The following DOCK7 variants were observed in gnomAD, a reference collection of about 807,000 sequenced individuals.
DOCK7 encodes the protein dedicator of cytokinesis protein 7.
Under a neutral mutation model 271.0 loss-of-function variants are expected in DOCK7, and 138 were observed. That is an observed-to-expected ratio of 0.51 (90% CI 0.44 to 0.59). The LOEUF (loss-of-function observed/expected upper bound fraction) is 0.59. Ranked by LOEUF, DOCK7 falls within the 20% of genes least tolerant of loss-of-function variation. The pLI, the probability that DOCK7 is intolerant of heterozygous loss-of-function variation, is 0.00. For synonymous variants in DOCK7, 823 were observed against 876.1 expected, an observed-to-expected ratio of 0.94 and a Z score of 1.07; for missense variants, 2,066 against 2,592.4, an observed-to-expected ratio of 0.80 and a Z score of 4.41.
chr1:62,504,777 A>G lies in DOCK7; in HGVS notation c.4617T>C (p.Pro1539=), dbSNP rs372522505. 2.7e-5 allele frequency: 44 copies of G among 1,609,632 alleles called. No individual in the cohort carries two copies. Among genetic ancestry groups the G allele is most frequent in the African/African-American group, 1.6e-4 (12 of 74,680 alleles). ...ATQRALVSKF[P]ELLFEEETEQ... Reference sequence around the variant, plus strand: ...CTGTCTCTTCTTCAAATAAGAGTTCAGGAAACTGTAAAACAACAAAACAAA... The same window carrying G: ...CTGTCTCTTCTTCAAATAAGAGTTCGGGAAACTGTAAAACAACAAAACAAA... Residue 1539 remains proline (P), a synonymous_variant, in exon 37 of 50, where the codon CCT becomes CCC. Transcript: ENST00000635253.
intron 35 of DOCK7, among the ~76,000 whole-genome samples, chr1:62,507,290 A>C (rs1015269350): frequency 7.9e-5 from 12 of 152,152 alleles, no homozygotes; most frequent in African/African-American, 2.7e-4. Context: ...AAAACATCTG[A>C]AAGATCTTGC....
At chr1:62,479,291 A>G (rs1646050691) in intron 43 of DOCK7, among the ~76,000 whole-genome samples, 1 of 152,202 alleles carries the variant, frequency 6.6e-6, no homozygotes, top group Admixed American at 6.5e-5. Context: ...AAAAAGGTAT[A>G]GTGATGAAAA....
intron 1 of DOCK7, 74 bp downstream of exon 1, chr1:62,688,153 T>G (rs2149794563): frequency 8.1e-7 from 1 of 1,241,826 alleles, no homozygotes; most frequent in Non-Finnish European, 1.0e-6. Context: ...ACCCGCCTCC[T>G]AGGCCAGGCC....
At chr1:62,628,584 C>G (rs1254116478) in intron 11 of DOCK7, 1 of 152,060 alleles carries the variant, frequency 6.6e-6, no homozygotes, top group Non-Finnish European at 1.5e-5. Context: ...ACAGCTGAAA[C>G]TATAAAACTC....
At chr1:62,561,561 A>T (rs1303639360) in intron 19 of DOCK7, 56 bp downstream of exon 19, 1 of 1,104,018 alleles carries the variant, frequency 9.1e-7, no homozygotes, top group Admixed American at 2.8e-5. Context: ...CAAGTATTAG[A>T]TATTACGTTC....
chr1:62,679,708 T>C (rs1052163109), intron 1 of DOCK7, among the ~76,000 whole-genome samples: 1 of 152,166 alleles, frequency 6.6e-6, no homozygotes, highest in Non-Finnish European at 1.5e-5. Context: ...ACAACCACTT[T>C]AGAAAACAGT....
chr1:62,572,035 T>C (rs548197162), intron 18 of DOCK7, among the ~76,000 whole-genome samples: 2 of 152,230 alleles, frequency 1.3e-5, no homozygotes, highest in South Asian at 2.1e-4. Flanking sequence ...AACCTGCACA[T>C]CCTGCACATG....
intron 1 of DOCK7, among the ~76,000 whole-genome samples, chr1:62,676,196 C>T (rs942952295): frequency 6.6e-6 from 1 of 152,104 alleles, no homozygotes; most frequent in Non-Finnish European, 1.5e-5. Flanking sequence ...TATTAGTCAG[C>T]CATAAAAGGA....
chr1:62,475,646 G>A (rs781609115), intron 46 of DOCK7, 61 bp downstream of exon 46: 1 of 1,448,396 alleles, frequency 6.9e-7, no homozygotes, highest in Non-Finnish European at 9.7e-7. Context: ...CATCTGAGTT[G>A]TTGTTACATG....
At chr1:62,645,544 C>T (rs960645539) in intron 7 of DOCK7, among the ~76,000 whole-genome samples, 1 of 152,076 alleles carries the variant, frequency 6.6e-6, no homozygotes, top group Admixed American at 6.6e-5. Flanking sequence ...AAAAGAGGCA[C>T]TTACTATTAA....
chr1:62,636,616 A>G lies in DOCK7; in HGVS notation c.819-13T>C. ...TTCAATTTCAAACCTTTATGAAGAA[A>G]AAGGATAAAATAATTTAAAGATAAA... On this transcript the variant is annotated splice_polypyrimidine_tract_variant and intron_variant, in intron 7 of 49. Coordinates refer to ENST00000635253, the MANE Select transcript of DOCK7 (RefSeq NM_001367561.1). The G allele has an allele frequency of 6.4e-7, 1 of 1,573,498 alleles. No individual in the cohort carries two copies. Among genetic ancestry groups the G allele is most frequent in the Non-Finnish European group, 8.7e-7 (1 of 1,151,200 alleles).
chr1:62,598,921 A>G (rs931902610), intron 14 of DOCK7: 6 of 702,262 alleles, frequency 8.5e-6, no homozygotes, highest in Non-Finnish European at 1.5e-5. Flanking sequence ...TCACATCAGC[A>G]TAACTGTTAA....
At chr1:62,526,538 A>G (rs1156943113) in intron 31 of DOCK7, among the ~76,000 whole-genome samples, 1 of 152,154 alleles carries the variant, frequency 6.6e-6, no homozygotes, top group East Asian at 1.9e-4. Context: ...TGTTAAACAT[A>G]GAAGTACCAT....
At chr1:62,668,116 A>C (rs1659526561) in intron 1 of DOCK7, among the ~76,000 whole-genome samples, 1 of 152,216 alleles carries the variant, frequency 6.6e-6, no homozygotes, top group Non-Finnish European at 1.5e-5. Flanking sequence ...TTTGTGCCAA[A>C]AAATGTTTAA....
intron 48 of DOCK7, among the ~76,000 whole-genome samples, chr1:62,464,639 G>A (rs963968134): frequency 1.3e-5 from 2 of 151,786 alleles, no homozygotes; most frequent in African/African-American, 4.8e-5. Context: ...CCGAGATCGC[G>A]CCACTGCACT....
intron 14 of DOCK7, chr1:62,598,894 G>A (rs1462667763): frequency 1.2e-6 from 1 of 811,878 alleles, no homozygotes; most frequent in East Asian, 2.7e-5. Context: ...GCTTTAACTG[G>A]ATCATGAGTA....
intron 4 of DOCK7, among the ~76,000 whole-genome samples, chr1:62,651,863 T>C (rs2149688771): frequency 6.6e-6 from 1 of 152,286 alleles, no homozygotes; most frequent in Non-Finnish European, 1.5e-5. Flanking sequence ...GGGTTCTATC[T>C]TAATTTTTTA....
chr1:62,666,643 G>A (rs1307783366), intron 1 of DOCK7, among the ~76,000 whole-genome samples: 2 of 152,128 alleles, frequency 1.3e-5, no homozygotes, highest in Non-Finnish European at 2.9e-5. Context: ...ATGCAAGAAA[G>A]AAATGTTAAT....
intron 49 of DOCK7, among the ~76,000 whole-genome samples, chr1:62,457,073 T>C (rs767430907): frequency 5.9e-5 from 9 of 152,320 alleles, no homozygotes; most frequent in Non-Finnish European, 1.0e-4. Flanking sequence ...CCTCTTTAAG[T>C]TCTATCTCAT....
Sources: gnomAD v4.1 joint callset for allele counts (sites outside exome capture counted in the v4.1 genomes callset) on GRCh38, gnomAD v4.1.1 for gene constraint, MANE v1.5 for transcripts, NCBI Gene and HGNC (gene_info 2026-07-23, HGNC 2026-07-21) for gene names.